TNRC6C: variants seen among roughly 807,000 people sequenced by gnomAD.
TNRC6C encodes trinucleotide repeat containing adaptor 6C.
In TNRC6C, 20 loss-of-function variants were observed where a neutral mutation model predicts 153.7. The observed-to-expected ratio is 0.13, with a 90% CI of 0.09 to 0.19. TNRC6C has a LOEUF of 0.19. Among genes scored for constraint, TNRC6C ranks in the 10% least tolerant of loss-of-function variants. The pLI, the probability that TNRC6C is intolerant of heterozygous loss-of-function variation, is 1.00. For synonymous variants in TNRC6C, 811 were observed against 841.4 expected (o/e 0.96, Z 0.63); for missense variants, 1,987 against 2,172.0 (o/e 0.91, Z 1.69).
At chr17:78,001,783 G>C (rs1013310787), upstream of TNRC6C, among the ~76,000 whole-genome samples, 7 of 152,000 alleles carry the variant, frequency 4.6e-5, no homozygotes, top group Non-Finnish European at 1.0e-4. Flanking sequence ...TGGGTCATGG[G>C]GGGAGGAGAT....
chr17:78,051,157 G>A lies in TNRC6C; in HGVS notation c.2095G>A (p.Val699Ile), dbSNP rs1459848054. Residue 699 changes from valine (V) to isoleucine (I), a missense_variant, in exon 3 of 20, where the codon GTC (valine) becomes ATC (isoleucine). By Grantham distance (29) the Val-to-Ile change is conservative. This residue lies in a region of TNRC6C where 1,052 missense variants were observed against 1,017.0 expected (regional missense o/e 1.03). Transcript: ENST00000301624. ...AGGGTGGATCGGGGGGCCGGTACCG[G>A]TCAAACAGAAGGACAGCAGTGAAGC... 6.3e-7 allele frequency: 1 copy of A among 1,577,342 alleles called. No homozygotes were observed. Among genetic ancestry groups the A allele is most frequent in the Middle Eastern group, 1.7e-4 (1 of 5,946 alleles).
At chr17:78,076,015 G>A (rs1018087474) in intron 8 of TNRC6C, among the ~76,000 whole-genome samples, 20 of 151,928 alleles carry the variant, frequency 1.3e-4, no homozygotes, top group South Asian at 4.2e-4. Flanking sequence ...TCAGGAGATC[G>A]AGACCAGCCT....
chr17:78,086,790 C>T, intron 12 of TNRC6C, 63 bp from the exon 15 acceptor site: 2 of 1,590,396 alleles, frequency 1.3e-6, no homozygotes, highest in South Asian at 2.3e-5. Context: ...TGCATTTGGT[C>T]CCTAGACAAG....
At chr17:78,093,516 G>A in intron 15 of TNRC6C, 104 bp from the exon 18 acceptor site, 2 of 1,408,674 alleles carry the variant, frequency 1.4e-6, no homozygotes, top group African/African-American at 1.4e-5. Context: ...TTAATTAGCA[G>A]ATTATAAAAA....
At chr17:78,012,379 T>A (rs2071649975) in intron 1 of TNRC6C, among the ~76,000 whole-genome samples, 1 of 152,110 alleles carries the variant, frequency 6.6e-6, no homozygotes, top group Non-Finnish European at 1.5e-5. Context: ...GCAGAAAAGA[T>A]CAGTGTTGGG....
exon 4 of TNRC6C, chr17:78,064,750 T>C (rs1414941719): frequency 6.2e-7 from 1 of 1,613,854 alleles, no homozygotes; most frequent in Non-Finnish European, 8.5e-7. Flanking sequence ...AAATGCCTAA[T>C]GTTCACTCAA....
chr17:77,959,695 G>C lies in TNRC6C; in HGVS notation c.-38+427G>C, dbSNP rs1440575653. 3.3e-5 allele frequency among the ~76,000 whole-genome samples: 5 copies of C among 152,314 alleles called. No individual in the cohort carries two copies. In the East Asian group the frequency reaches 5.8e-4, roughly 18 times the overall value. ...GGGGGAAGAGAAAAACCCGGGGCGT[G>C]CTGCGGGTGGGCGGAGAAGGACCCC... On this transcript the variant is annotated intron_variant, in intron 1 of 22. Transcript: ENST00000636222.
At chr17:77,983,094 A>G (rs567313730) in intron 1 of TNRC6C, among the ~76,000 whole-genome samples, 1 of 152,320 alleles carries the variant, frequency 6.6e-6, no homozygotes, top group East Asian at 1.9e-4. Flanking sequence ...TTTGTTGAAT[A>G]TGGCGTAAAT....
intron 1 of TNRC6C, among the ~76,000 whole-genome samples, chr17:77,965,431 A>G (rs16970689): frequency 0.081 from 12,396 of 152,280 alleles, 1,316 homozygotes; most frequent in African/African-American, 0.25. Context: ...GGAAGCTGAA[A>G]CTGATGGAAG....
chr17:77,971,888 T>C (rs1352122519), intron 1 of TNRC6C, among the ~76,000 whole-genome samples: 1 of 149,958 alleles, frequency 6.7e-6, no homozygotes, highest in East Asian at 1.9e-4. Context: ...AAAAAGAACA[T>C]GTCAAAATTG....
chr17:78,089,556 G>A (rs777166383), intron 13 of TNRC6C, among the ~76,000 whole-genome samples: 2 of 152,064 alleles, frequency 1.3e-5, no homozygotes, highest in African/African-American at 4.8e-5. Context: ...CAGTAGTGGG[G>A]GCTCCTAGCT....
exon 2 of TNRC6C, chr17:78,031,521 G>C (rs1050205537): frequency 1.6e-6 from 2 of 1,232,006 alleles, no homozygotes; most frequent in African/African-American, 1.6e-5. Context: ...TTTAGTGCCA[G>C]AACCTACTAA....
At position 78,033,583 on chromosome 17, in the gene TNRC6C, C is replaced by T. The variant is rs564596140; in HGVS notation, c.-219+1741C>T. Among the ~76,000 whole-genome samples, 1,081 of 152,072 alleles carry T rather than the reference C, an allele frequency of 7.1e-3. 7 individuals are homozygous for T. Among genetic ancestry groups the T allele is most frequent in the Non-Finnish European group, 0.01 (709 of 67,990 alleles). On this transcript the variant is annotated intron_variant, in intron 2 of 19. Coordinates refer to ENST00000301624, the Ensembl canonical transcript of TNRC6C. ...ACTCGGGAGGCTGAGGCAGGAGAAT[C>T]GCTTGAACCTGGGACGTGGAGGTTG...
At chr17:78,016,463 G>A (rs1480123489) in intron 1 of TNRC6C, among the ~76,000 whole-genome samples, 3 of 152,242 alleles carry the variant, frequency 2.0e-5, no homozygotes, top group African/African-American at 7.2e-5. Context: ...GGGTGGGAGA[G>A]ACCATTTTAA....
At chr17:77,996,462 G>A (rs1002172294) in intron 1 of TNRC6C, among the ~76,000 whole-genome samples, 6 of 152,094 alleles carry the variant, frequency 3.9e-5, no homozygotes, top group East Asian at 3.9e-4. Context: ...CAGTCAGTGC[G>A]GTGAATCCAC....
upstream of TNRC6C, among the ~76,000 whole-genome samples, chr17:78,002,271 A>G (rs757608746): frequency 7.9e-5 from 12 of 152,172 alleles, no homozygotes; most frequent in Admixed American, 1.3e-4. Context: ...AGAAATTGGT[A>G]CCAGAAATGC....
chr17:78,086,404 TTC>T, intron 11 of TNRC6C, 97 bp from the exon 14 acceptor site: 1 of 890,214 alleles, frequency 1.1e-6, no homozygotes, highest in South Asian at 1.6e-5. Context: ...AGTGGCTAGG[TTC>T]TCTTTTTTTA....
chr17:78,003,842 C>T (rs547610401), upstream of TNRC6C, among the ~76,000 whole-genome samples: 1 of 152,290 alleles, frequency 6.6e-6, no homozygotes, highest in Admixed American at 6.5e-5. Flanking sequence ...GGCAGGAGAT[C>T]GCTTGAGCCC....
At chr17:78,083,283 T>C (rs935416511) in intron 11 of TNRC6C, 117 bp downstream of exon 13, 5 of 1,322,140 alleles carry the variant, frequency 3.8e-6, no homozygotes, top group Middle Eastern at 1.9e-4. Flanking sequence ...TCATTGAGAC[T>C]CTCATGAAGT....
Sources: allele counts gnomAD v4.1 joint callset (sites outside exome capture counted in the v4.1 genomes callset), GRCh38; gene constraint gnomAD v4.1.1; regional missense constraint gnomAD v4.1.1; transcripts MANE v1.5; gene names NCBI Gene and HGNC (gene_info 2026-07-23, HGNC 2026-07-21).